The following XRCC4 variants were observed in gnomAD, a reference collection of about 807,000 sequenced individuals.
XRCC4 encodes the protein DNA repair protein XRCC4.
XRCC4 carries 28 observed loss-of-function variants against 39.1 expected under a neutral mutation model. The ratio of observed to expected loss-of-function variants is 0.72; its 90% CI spans 0.53 to 0.98. The LOEUF is 0.98. XRCC4 is among the 50% of genes least tolerant of loss of function. XRCC4 has a pLI of 0.00. For synonymous variants in XRCC4, 123 were observed against 126.4 expected (o/e 0.97, Z 0.18); for missense variants, 350 against 376.4 (o/e 0.93, Z 0.58).
chr5:83,273,007 C>A (rs1453997569), intron 7 of XRCC4, among the ~76,000 whole-genome samples: 1 of 152,178 alleles, frequency 6.6e-6, no homozygotes, highest in East Asian at 1.9e-4. Flanking sequence ...ACCACACTGT[C>A]TTCCACAATG....
At chr5:83,143,777 G>C (rs1186880179) in intron 3 of XRCC4, among the ~76,000 whole-genome samples, 1 of 150,776 alleles carries the variant, frequency 6.6e-6, no homozygotes, top group African/African-American at 2.4e-5. Flanking sequence ...TTTTTTTTCT[G>C]ATAAGTTAGC....
At chr5:83,362,381 A>G in the XRCC4 span, among the ~76,000 whole-genome samples, 2 of 151,568 alleles carry the variant, frequency 1.3e-5, no homozygotes, top group African/African-American at 2.4e-5. Flanking sequence ...TTCTCCCCCA[A>G]AAGATAAAAT....
chr5:83,172,118 A>C (rs1749753450), intron 3 of XRCC4, among the ~76,000 whole-genome samples: 1 of 152,130 alleles, frequency 6.6e-6, no homozygotes, highest in Admixed American at 6.6e-5. Flanking sequence ...GAGAACCTTC[A>C]TTATTTTCAG....
At chr5:83,230,481 T>C (rs1190638665) in intron 6 of XRCC4, among the ~76,000 whole-genome samples, 1 of 152,072 alleles carries the variant, frequency 6.6e-6, no homozygotes, top group Non-Finnish European at 1.5e-5. Flanking sequence ...ATCATTTCTG[T>C]TACAAAGGAG....
At chr5:83,119,040 A>G (rs1012966541) in intron 3 of XRCC4, among the ~76,000 whole-genome samples, 4 of 152,182 alleles carry the variant, frequency 2.6e-5, no homozygotes, top group African/African-American at 9.7e-5. Flanking sequence ...CCTTCCCACC[A>G]TTATTTAATT....
intron 1 of XRCC4, among the ~76,000 whole-genome samples, chr5:83,098,896 TTG>T (rs1745799945): frequency 6.6e-6 from 1 of 152,208 alleles, no homozygotes; most frequent in African/African-American, 2.4e-5. Flanking sequence ...TGTTGTGTGA[TTG>T]TCTCAGAAGT....
chr5:83,366,306 C>T, the XRCC4 span, among the ~76,000 whole-genome samples: 9 of 152,154 alleles, frequency 5.9e-5, no homozygotes, highest in East Asian at 1.9e-4. Flanking sequence ...AGATCCCCTA[C>T]GCTGTGGTGT....
At chr5:83,245,369 A>G (rs1171161023) in intron 6 of XRCC4, among the ~76,000 whole-genome samples, 1 of 152,148 alleles carries the variant, frequency 6.6e-6, no homozygotes, top group Non-Finnish European at 1.5e-5. Context: ...AGTGAGTTAT[A>G]TGACCTTATT....
intron 3 of XRCC4, among the ~76,000 whole-genome samples, chr5:83,182,298 T>C (rs1416907539): frequency 6.6e-6 from 1 of 152,198 alleles, no homozygotes; most frequent in Non-Finnish European, 1.5e-5. Flanking sequence ...CCAACTGTTT[T>C]TTCTTCAAAT....
chr5:83,179,841 C>A (rs957060223), intron 3 of XRCC4, among the ~76,000 whole-genome samples: 2 of 152,124 alleles, frequency 1.3e-5, no homozygotes, highest in Non-Finnish European at 2.9e-5. Context: ...TTTAGAAAGG[C>A]AGGCCATAAT....
chr5:83,349,068 C>A (rs1757003964), intron 7 of XRCC4, among the ~76,000 whole-genome samples: 2 of 152,138 alleles, frequency 1.3e-5, no homozygotes, highest in Admixed American at 1.3e-4. Context: ...CCAAACTTTC[C>A]CTCATCTTCC....
intron 3 of XRCC4, among the ~76,000 whole-genome samples, chr5:83,151,416 G>A (rs183011512): frequency 4.1e-4 from 62 of 152,254 alleles, no homozygotes; most frequent in African/African-American, 1.2e-3. Context: ...TTGATGTATT[G>A]AATCAGAAGA....
chr5:83,091,492 C>T lies in XRCC4; in HGVS notation c.-10-13418C>T, dbSNP rs778615265. Among the ~76,000 whole-genome samples the T allele has an allele frequency of 1.1e-4, 16 of 152,124 alleles. 1 individual carries two copies. The highest frequency in any genetic ancestry group is 6.5e-5 in the Admixed American group (1 of 15,276). ...ATTCGAGATGAGATTTGGGTGGGGA[C>T]ACAGCCAAACCATATCAACTGCCCA... is the stretch of plus-strand genomic sequence containing the variant. On this transcript the variant is annotated intron_variant, in intron 1 of 7. Transcript: ENST00000396027.
chr5:83,271,605 T>G (rs1754146253), intron 7 of XRCC4, among the ~76,000 whole-genome samples: 1 of 152,220 alleles, frequency 6.6e-6, no homozygotes, highest in African/African-American at 2.4e-5. Context: ...CAGTTTTGCC[T>G]TCTGTATTAT....
chr5:83,233,474 G>A (rs771968402), intron 6 of XRCC4, among the ~76,000 whole-genome samples: 13 of 152,116 alleles, frequency 8.5e-5, no homozygotes, highest in Middle Eastern at 3.4e-3. Context: ...TATGTTGATC[G>A]TTTCCTTACT....
At chr5:83,207,698 C>T (rs1351159030) in intron 6 of XRCC4, among the ~76,000 whole-genome samples, 1 of 151,940 alleles carries the variant, frequency 6.6e-6, no homozygotes, top group African/African-American at 2.4e-5. Flanking sequence ...CAAAATGGGC[C>T]ACCCTATAAT....
intron 7 of XRCC4, among the ~76,000 whole-genome samples, chr5:83,305,573 T>G (rs1448885266): frequency 1.3e-5 from 2 of 152,060 alleles, no homozygotes; most frequent in African/African-American, 4.8e-5. Context: ...CTTTGGAAAA[T>G]TCTGCACTAC....
chr5:83,140,229 G>A (rs1478578425), intron 3 of XRCC4, among the ~76,000 whole-genome samples: 1 of 152,202 alleles, frequency 6.6e-6, no homozygotes, highest in African/African-American at 2.4e-5. Flanking sequence ...GAAGCCAGTA[G>A]TGGCTCAGAC....
At position 83,314,842 on chromosome 5, in the gene XRCC4, C is replaced by A. The variant is rs906982204; in HGVS notation, c.894-38289C>A. ...GCTGTCTGCTCATGTCCCTCCCTCT[C>A]CTCAGGCCTCCCTATTCCCTGACCC... On this transcript the variant is annotated intron_variant, in intron 7 of 7. Transcript: ENST00000396027. Among the ~76,000 whole-genome samples, 4 of 152,216 alleles carry A rather than the reference C, an allele frequency of 2.6e-5. No individual in the cohort carries two copies. In the East Asian group the frequency reaches 5.8e-4, roughly 22 times the overall value.
Sources: gnomAD v4.1 joint callset for allele counts (sites outside exome capture counted in the v4.1 genomes callset) on GRCh38, gnomAD v4.1.1 for gene constraint, MANE v1.5 for transcripts, NCBI Gene and HGNC (gene_info 2026-07-23, HGNC 2026-07-21) for gene names.